The following SF3A3 variants were observed in gnomAD, a reference collection of about 807,000 sequenced individuals.
SF3A3 encodes SAP 61.
In SF3A3, 9 loss-of-function variants were observed where a neutral mutation model predicts 85.8. The ratio of observed to expected loss-of-function variants is 0.10; its 90% CI spans 0.06 to 0.18. The LOEUF is 0.18. Ranked by LOEUF, SF3A3 falls within the 10% of genes least tolerant of loss-of-function variation. SF3A3 has a pLI of 1.00. For missense variants in SF3A3, 306 were observed against 593.3 expected, an observed-to-expected ratio of 0.52 and a Z score of 5.03; for synonymous variants, 195 against 204.4, an observed-to-expected ratio of 0.95 and a Z score of 0.39.
chr1:37,958,503 G>C (rs912895737), intron 16 of SF3A3, among the ~76,000 whole-genome samples: 1 of 152,222 alleles, frequency 6.6e-6, no homozygotes, highest in Admixed American at 6.5e-5. Context: ...AATGATATCA[G>C]TCATGACCCA....
At chr1:37,984,910 C>T (rs562468673) in intron 4 of SF3A3, 131 bp from the exon 5 acceptor site, 83 of 696,892 alleles carry the variant, frequency 1.2e-4, no homozygotes, top group African/African-American at 1.2e-3. Flanking sequence ...CGGGTTCAAG[C>T]GATTGTCCTG....
chr1:37,987,927 G>A, intron 2 of SF3A3, 91 bp from the exon 3 acceptor site: 2 of 1,024,642 alleles, frequency 2.0e-6, no homozygotes, highest in South Asian at 1.3e-5. Flanking sequence ...CAAAGCCCAG[G>A]GCAACCTCAA....
chr1:37,969,820 G>A (rs1479326637), intron 12 of SF3A3, 85 bp from the exon 13 acceptor site: 3 of 1,438,266 alleles, frequency 2.1e-6, no homozygotes, highest in Non-Finnish European at 2.9e-6. Context: ...AACTTTTGCT[G>A]ACCCCTTACT....
At chr1:37,981,611 C>A (rs922715875) in intron 7 of SF3A3, 118 bp downstream of exon 7, 2 of 725,180 alleles carry the variant, frequency 2.8e-6, no homozygotes, top group Admixed American at 2.4e-5. Context: ...CTCCAATAAA[C>A]CTGGAAGTAT....
At chr1:37,988,896 T>TA (rs201747382) in intron 2 of SF3A3, among the ~76,000 whole-genome samples, 285 of 130,836 alleles carry the variant, frequency 2.2e-3, no homozygotes, top group African/African-American at 5.9e-3. Context: ...TATATATATA[T>TA]TTTTTTTTTC....
intron 15 of SF3A3, among the ~76,000 whole-genome samples, chr1:37,962,053 C>A (rs1646263817): frequency 1.3e-5 from 2 of 150,922 alleles, no homozygotes; most frequent in African/African-American, 4.9e-5. Flanking sequence ...CGCTGCACTC[C>A]AGCCTGGGCA....
At chr1:37,980,752 A>G (rs1393980485) in intron 7 of SF3A3, 28 bp from the exon 8 acceptor site, 1 of 1,569,394 alleles carries the variant, frequency 6.4e-7, no homozygotes, top group Non-Finnish European at 8.7e-7. Flanking sequence ...ATGCAGACAA[A>G]GCAAAAAGGG....
chr1:37,988,682 C>T (rs2148725972), intron 2 of SF3A3, among the ~76,000 whole-genome samples: 1 of 152,266 alleles, frequency 6.6e-6, no homozygotes, highest in East Asian at 1.9e-4. Flanking sequence ...AGGTTTCAAA[C>T]ATACACAAGA....
At chr1:37,959,761 C>A (rs1646244039) in intron 16 of SF3A3, among the ~76,000 whole-genome samples, 1 of 151,848 alleles carries the variant, frequency 6.6e-6, no homozygotes, top group South Asian at 2.1e-4. Flanking sequence ...AGTTTGAGAC[C>A]AGTCTGGCCA....
chr1:37,989,310 G>GAA (rs368894511), intron 2 of SF3A3, among the ~76,000 whole-genome samples: 3 of 136,702 alleles, frequency 2.2e-5, no homozygotes, highest in African/African-American at 8.0e-5. Flanking sequence ...AGAAGAAGAA[G>GAA]AAAAAAAAAA....
intron 7 of SF3A3, 107 bp from the exon 8 acceptor site, chr1:37,980,831 T>C: frequency 2.6e-6 from 2 of 774,648 alleles, no homozygotes; most frequent in Non-Finnish European, 3.7e-6. Context: ...AATGCTATCT[T>C]TTTAATACTC....
chr1:37,972,293 T>G (rs1271968804), intron 12 of SF3A3, among the ~76,000 whole-genome samples: 1 of 152,164 alleles, frequency 6.6e-6, no homozygotes, highest in Admixed American at 6.5e-5. Flanking sequence ...GGAATCCAGC[T>G]TACAAGGGAT....
At chr1:37,978,469 T>C (rs995333871) in intron 11 of SF3A3, among the ~76,000 whole-genome samples, 3 of 152,120 alleles carry the variant, frequency 2.0e-5, no homozygotes, top group African/African-American at 7.2e-5. Flanking sequence ...CCATAACCTA[T>C]TAAAGGTGCC....
intron 8 of SF3A3, among the ~76,000 whole-genome samples, chr1:37,980,280 C>T (rs985722533): frequency 2.6e-5 from 4 of 152,008 alleles, no homozygotes; most frequent in Admixed American, 1.3e-4. Flanking sequence ...CAAAATTAGC[C>T]GGGTGTGGAG....
chr1:37,983,321 C>T (rs969142519), intron 6 of SF3A3, among the ~76,000 whole-genome samples: 1 of 150,338 alleles, frequency 6.7e-6, no homozygotes, highest in Non-Finnish European at 1.5e-5. Context: ...CAGTGGCTTC[C>T]GTCTATAATC....
At chr1:37,984,036 C>G (rs1015508813) in intron 6 of SF3A3, 133 bp downstream of exon 6, 2 of 507,114 alleles carry the variant, frequency 3.9e-6, no homozygotes, top group African/African-American at 3.9e-5. Flanking sequence ...AGCATATCAC[C>G]TCTTTAATAT....
At chr1:37,989,493 C>G (rs1380591567) in intron 2 of SF3A3, 55 bp downstream of exon 2, 1 of 1,587,958 alleles carries the variant, frequency 6.3e-7, no homozygotes, top group South Asian at 1.1e-5. Flanking sequence ...CTTCACTTCC[C>G]CTCTCTTTTC....
At chr1:37,962,535 G>A (rs1254761170) in intron 15 of SF3A3, among the ~76,000 whole-genome samples, 2 of 149,632 alleles carry the variant, frequency 1.3e-5, no homozygotes, top group Non-Finnish European at 3.0e-5. Context: ...CCCGGGAGGT[G>A]GAGGTTGCAG....
chr1:37,966,786 T>C (rs1278203346), intron 15 of SF3A3, among the ~76,000 whole-genome samples: 1 of 150,072 alleles, frequency 6.7e-6, no homozygotes, highest in Admixed American at 6.7e-5. Flanking sequence ...AAGTACAAAA[T>C]TAGCCAGGCA....
Sources: allele counts gnomAD v4.1 joint callset (sites outside exome capture counted in the v4.1 genomes callset), GRCh38; gene constraint gnomAD v4.1.1; transcripts MANE v1.5; gene names NCBI Gene and HGNC (gene_info 2026-07-23, HGNC 2026-07-21).